Variants in CRISP2 observed in about 807,000 individuals in gnomAD.
CRISP2 encodes the protein cysteine-rich secretory protein 2.
A neutral mutation model predicts 31.7 loss-of-function variants in CRISP2; 29 were observed. The ratio of observed to expected loss-of-function variants is 0.92; its 90% CI spans 0.68 to 1.25. The LOEUF is 1.25. Ranked by LOEUF, CRISP2 falls within the 50% of genes most tolerant of loss-of-function variation. The pLI is 0.00. For synonymous variants in CRISP2, 111 were observed against 101.4 expected (o/e 1.09, Z -0.57); for missense variants, 318 against 286.5 (o/e 1.11, Z -0.79).
intron 4 of CRISP2, among the ~76,000 whole-genome samples, chr6:49,708,554 T>A (rs1244714419): frequency 6.6e-6 from 1 of 152,104 alleles, no homozygotes; most frequent in African/African-American, 2.4e-5. Context: ...AGCCAAGGAA[T>A]GCCAAGCAGT....
chr6:49,705,172 G>C (rs994209189), intron 4 of CRISP2, among the ~76,000 whole-genome samples: 2 of 152,162 alleles, frequency 1.3e-5, no homozygotes, highest in African/African-American at 4.8e-5. Flanking sequence ...TCTCCTTGGT[G>C]GGGGCTTACT....
intron 8 of CRISP2, 96 bp from the exon 9 acceptor site, chr6:49,696,020 GT>G (rs1281099333): frequency 1.2e-5 from 8 of 675,284 alleles, no homozygotes; most frequent in Non-Finnish European, 1.9e-5. Context: ...GTTATTCAGG[GT>G]TTTTAGTATG....
At chr6:49,696,386 A>G (rs1764753719) in intron 8 of CRISP2, among the ~76,000 whole-genome samples, 1 of 152,132 alleles carries the variant, frequency 6.6e-6, no homozygotes, top group African/African-American at 2.4e-5. Flanking sequence ...ACTCCATAGT[A>G]TCTCTAACAG....
the CRISP2 span, among the ~76,000 whole-genome samples, chr6:49,682,267 G>A: frequency 3.6e-4 from 54 of 152,066 alleles, no homozygotes; most frequent in African/African-American, 1.1e-3. Context: ...TTTAGGTGCC[G>A]TCTATACAAA....
downstream of CRISP2, among the ~76,000 whole-genome samples, chr6:49,688,567 T>C (rs1229691932): frequency 6.6e-6 from 1 of 152,106 alleles, no homozygotes; most frequent in Non-Finnish European, 1.5e-5. Flanking sequence ...GATGAGAAAA[T>C]ATTCCGAAAA....
At chr6:49,702,713 T>C (rs1216162839) in intron 4 of CRISP2, among the ~76,000 whole-genome samples, 2 of 152,258 alleles carry the variant, frequency 1.3e-5, no homozygotes, top group South Asian at 2.1e-4. Flanking sequence ...CTTAGTTGGA[T>C]AACTAGTTTG....
intron 8 of CRISP2, 52 bp downstream of exon 8, chr6:49,697,808 A>G (rs1765024975): frequency 1.2e-6 from 2 of 1,605,808 alleles, no homozygotes; most frequent in Non-Finnish European, 1.7e-6. Flanking sequence ...AATTATTAAA[A>G]AATAAATTGC....
chr6:49,682,486 TC>T, the CRISP2 span, among the ~76,000 whole-genome samples: 1 of 93,106 alleles, frequency 1.1e-5, no homozygotes, highest in Non-Finnish European at 2.0e-5. Flanking sequence ...CCCTCCCTCC[TC>T]CTCCTCCTAT....
Position 49,692,653 on chromosome 6 carries a change from A to C in CRISP2, c.*120T>G, listed in dbSNP as rs1764124906. On this transcript the variant is annotated 3_prime_UTR_variant, in exon 10 of 10. Transcript: ENST00000339139. ...GATTTCTGTGATGATCTGGGGGAGA[A>C]GATGCATTGCTCTTTGAAATCAAAT... 1 of 888,434 alleles carries C rather than the reference A, an allele frequency of 1.1e-6. No individual in the cohort carries two copies. The highest frequency in any genetic ancestry group is 1.7e-5 in the African/African-American group (1 of 59,736). 55.0% of individuals were successfully genotyped at this position (888,434 alleles called of 1,614,324 possible). A position where few individuals can be genotyped will look rare whatever the true frequency, so the allele number is the denominator to read the frequency against.
chr6:49,692,498 T>C lies in CRISP2; in HGVS notation c.*275A>G. 1 of 252,556 alleles carries C rather than the reference T, an allele frequency of 4.0e-6. No homozygotes were observed. Among genetic ancestry groups the C allele is most frequent in the South Asian group, 1.3e-4 (1 of 7,698 alleles). The allele number at this position is 252,556 out of a possible 1,614,324, so 15.6% of individuals were successfully genotyped here. ...ATTTTGATCCAAAGTCCTAGTGACC[T>C]AAATCCTATGGTTATACAGTTTTCA... On this transcript the variant is annotated 3_prime_UTR_variant, in exon 10 of 10. Transcript: ENST00000339139.
the CRISP2 span, among the ~76,000 whole-genome samples, chr6:49,685,643 C>T: frequency 6.6e-6 from 1 of 152,088 alleles, no homozygotes; most frequent in Non-Finnish European, 1.5e-5. Context: ...ACTCATGTGT[C>T]TATGGTAAAA....
chr6:49,679,856 C>T, the CRISP2 span, among the ~76,000 whole-genome samples: 8 of 152,220 alleles, frequency 5.3e-5, no homozygotes, highest in Middle Eastern at 3.4e-3. Context: ...CAGGCATGTG[C>T]CACCATGCCC....
chr6:49,677,413 C>G, the CRISP2 span, among the ~76,000 whole-genome samples: 2 of 152,110 alleles, frequency 1.3e-5, no homozygotes, highest in East Asian at 3.9e-4. Context: ...TATTATGTTT[C>G]AAAGGGAAGT....
chr6:49,711,082 C>G (rs1767926263), intron 3 of CRISP2, among the ~76,000 whole-genome samples: 1 of 152,080 alleles, frequency 6.6e-6, no homozygotes, highest in Non-Finnish European at 1.5e-5. Flanking sequence ...GAGTTTGAGG[C>G]AGCAGTGAAC....
chr6:49,700,786 TA>T lies in CRISP2; in HGVS notation c.67-3del. 1 of 1,525,916 alleles carries T rather than the reference TA, an allele frequency of 6.6e-7. No homozygotes were observed. Among genetic ancestry groups the T allele is most frequent in the South Asian group, 1.1e-5 (1 of 87,368 alleles). 94.5% of individuals were successfully genotyped at this position (1,525,916 alleles called of 1,614,324 possible). A position where few individuals can be genotyped will look rare whatever the true frequency, so the allele number is the denominator to read the frequency against. ...TAACAAAGCAGTAAAAGCGGGATCC[TA>T]AAAGAAAATAAAATTGGAATTATTA... On this transcript the variant is annotated splice_polypyrimidine_tract_variant and splice_region_variant and intron_variant, in intron 4 of 9. Coordinates refer to ENST00000339139, the MANE Select transcript of CRISP2 (RefSeq NM_003296.4).
the CRISP2 span, among the ~76,000 whole-genome samples, chr6:49,677,945 G>T: frequency 6.6e-6 from 1 of 152,016 alleles, no homozygotes; most frequent in Admixed American, 6.6e-5. Context: ...GAGAAACTGG[G>T]TTTAGGATCA....
intron 9 of CRISP2, among the ~76,000 whole-genome samples, chr6:49,693,832 T>C (rs963880103): frequency 1.3e-5 from 2 of 152,142 alleles, no homozygotes; most frequent in Admixed American, 6.5e-5. Context: ...ATTTCTAAAT[T>C]GTTTCTCTGT....
the CRISP2 span, among the ~76,000 whole-genome samples, chr6:49,685,191 T>G: frequency 1.3e-5 from 2 of 152,176 alleles, no homozygotes; most frequent in African/African-American, 4.8e-5. Flanking sequence ...CAGCATGAAA[T>G]GGTGTTTTCT....
At chr6:49,676,847 A>G in the CRISP2 span, among the ~76,000 whole-genome samples, 1 of 152,170 alleles carries the variant, frequency 6.6e-6, no homozygotes. Context: ...GCATTCCTCC[A>G]TGAGTCAGTT....
Sources: gnomAD v4.1 joint callset for allele counts (sites outside exome capture counted in the v4.1 genomes callset) on GRCh38, gnomAD v4.1.1 for gene constraint, MANE v1.5 for transcripts, NCBI Gene and HGNC (gene_info 2026-07-23, HGNC 2026-07-21) for gene names.